The following GFOD1 variants were observed in gnomAD, a reference collection of about 807,000 sequenced individuals.
GFOD1 encodes the protein glucose-fructose oxidoreductase domain-containing protein 1.
GFOD1 carries 9 observed loss-of-function variants against 25.4 expected under a neutral mutation model. That is an observed-to-expected ratio of 0.35 (90% CI 0.21 to 0.62). The LOEUF (loss-of-function observed/expected upper bound fraction) is 0.62, where lower values mean the gene tolerates loss of function less well. Ranked by LOEUF, GFOD1 falls within the 20% of genes least tolerant of loss-of-function variation. GFOD1 has a pLI of 0.72. For synonymous variants in GFOD1, 253 were observed against 245.6 expected (o/e 1.03, Z -0.28); for missense variants, 403 against 556.9 (o/e 0.72, Z 2.78).
At chr6:13,450,458 G>A (rs1255013207) in intron 1 of GFOD1, among the ~76,000 whole-genome samples, 2 of 152,142 alleles carry the variant, frequency 1.3e-5, no homozygotes, top group Non-Finnish European at 2.9e-5. Context: ...TGTTCCTATG[G>A]CTAAGAGTTA....
chr6:13,480,453 C>T (rs913112490), intron 1 of GFOD1, among the ~76,000 whole-genome samples: 5 of 152,200 alleles, frequency 3.3e-5, no homozygotes, highest in African/African-American at 1.2e-4. Flanking sequence ...CTGACTGTTC[C>T]AGCATCCACA....
chr6:13,469,229 A>G, intron 1 of GFOD1: 2 of 985,016 alleles, frequency 2.0e-6, no homozygotes, highest in Non-Finnish European at 2.4e-6. Flanking sequence ...CTCAGCCTGG[A>G]GCACACCAGA....
intron 1 of GFOD1, among the ~76,000 whole-genome samples, chr6:13,390,099 C>G (rs925771665): frequency 6.6e-6 from 1 of 152,164 alleles, no homozygotes; most frequent in African/African-American, 2.4e-5. Flanking sequence ...GGACCCCAAG[C>G]CTTGTGTATC....
chr6:13,440,534 G>A (rs1693568535), intron 1 of GFOD1, among the ~76,000 whole-genome samples: 1 of 152,160 alleles, frequency 6.6e-6, no homozygotes, highest in Non-Finnish European at 1.5e-5. Flanking sequence ...CTCCTGGACT[G>A]TAATCAGTCC....
chr6:13,458,367 T>C (rs1489486735), intron 1 of GFOD1, among the ~76,000 whole-genome samples: 1 of 152,118 alleles, frequency 6.6e-6, no homozygotes, highest in African/African-American at 2.4e-5. Context: ...CCGCCCCCGC[T>C]TGGCCTCCCA....
At chr6:13,467,110 C>CAAAAAA (rs879411159) in intron 1 of GFOD1, among the ~76,000 whole-genome samples, 1 of 138,362 alleles carries the variant, frequency 7.2e-6, no homozygotes, top group Admixed American at 7.3e-5. Context: ...TAACTGATTT[C>CAAAAAA]AAAAAAAAAA....
rs1189828993 is a variant in GFOD1, at chr6:13,364,489, A to G, written c.*254T>C. The G allele has an allele frequency of 3.8e-6, 2 of 521,060 alleles. No homozygotes were observed. The highest frequency in any genetic ancestry group is 2.8e-5 in the South Asian group (1 of 36,326). The allele number at this position is 521,060 out of a possible 1,614,324, so 32.3% of individuals were successfully genotyped here. On this transcript the variant is annotated 3_prime_UTR_variant, in exon 2 of 2. Coordinates refer to ENST00000379287, the MANE Select transcript of GFOD1 (RefSeq NM_018988.4). The surrounding 1 kb of genome is among the most constrained non-coding windows in gnomAD (Gnocchi z 4.1). The stretch of plus-strand genomic sequence containing the variant: ...AGCTAAACCAAACCACTCTCGTGCA[A>G]ATACCCAGCAGGGATCATCCCAGGA...
intron 1 of GFOD1, among the ~76,000 whole-genome samples, chr6:13,406,366 C>G (rs2119484): frequency 0.57 from 86,717 of 152,088 alleles, 28,673 homozygotes; most frequent in Non-Finnish European, 0.73. Flanking sequence ...CCCTCCTCCC[C>G]TGGCCCCTGC....
At chr6:13,366,105 AT>A (rs1785042876) in intron 1 of GFOD1, among the ~76,000 whole-genome samples, 1 of 151,964 alleles carries the variant, frequency 6.6e-6, no homozygotes. Context: ...AAAATAAAAA[AT>A]AATGAAAATA....
intron 1 of GFOD1, among the ~76,000 whole-genome samples, chr6:13,485,637 A>G (rs775633045): frequency 6.6e-6 from 1 of 152,198 alleles, no homozygotes; most frequent in Non-Finnish European, 1.5e-5. Flanking sequence ...GCATAGGCTG[A>G]GAGGCTGCTA....
intron 1 of GFOD1, among the ~76,000 whole-genome samples, chr6:13,483,619 T>C (rs895325287): frequency 2.0e-5 from 3 of 152,080 alleles, no homozygotes; most frequent in Admixed American, 2.0e-4. Context: ...CTGACTTCTA[T>C]GGGGAACAGA....
At chr6:13,403,216 C>T (rs532607919) in intron 1 of GFOD1, among the ~76,000 whole-genome samples, 47 of 151,840 alleles carry the variant, frequency 3.1e-4, no homozygotes, top group Admixed American at 7.9e-4. Context: ...ACCTCTACCT[C>T]CTGGGTTCAA....
At chr6:13,464,318 G>T (rs1328707061) in intron 1 of GFOD1, among the ~76,000 whole-genome samples, 1 of 152,224 alleles carries the variant, frequency 6.6e-6, no homozygotes, top group Non-Finnish European at 1.5e-5. Context: ...AGAAGGCAGT[G>T]GGCAGGGAGA....
At chr6:13,482,743 G>A (rs553802870) in intron 1 of GFOD1, among the ~76,000 whole-genome samples, 5 of 152,074 alleles carry the variant, frequency 3.3e-5, no homozygotes, top group African/African-American at 9.6e-5. Context: ...GCGAGGCTCC[G>A]TCTCAAAAAA....
intron 1 of GFOD1, among the ~76,000 whole-genome samples, chr6:13,423,883 G>A (rs970107381): frequency 1.3e-5 from 2 of 152,062 alleles, no homozygotes; most frequent in African/African-American, 2.4e-5. Flanking sequence ...TTGGAGACAC[G>A]GCTTTGCTCT....
chr6:13,426,552 C>T (rs7758003), intron 1 of GFOD1, among the ~76,000 whole-genome samples: 40 of 152,182 alleles, frequency 2.6e-4, no homozygotes, highest in African/African-American at 4.3e-4. Context: ...GTCCCTTAAA[C>T]GCCCGGGAAG....
At chr6:13,377,566 T>C (rs1785279182) in intron 1 of GFOD1, among the ~76,000 whole-genome samples, 1 of 152,240 alleles carries the variant, frequency 6.6e-6, no homozygotes, top group Non-Finnish European at 1.5e-5. Flanking sequence ...TGGAAGCCCT[T>C]GGACTTCCTC....
intron 1 of GFOD1, among the ~76,000 whole-genome samples, chr6:13,412,177 CA>C (rs1786088469): frequency 6.6e-6 from 1 of 152,202 alleles, no homozygotes; most frequent in African/African-American, 2.4e-5. Context: ...TATTGAAGCT[CA>C]AACCCCCAGT....
chr6:13,416,523 G>A (rs1345473397), intron 1 of GFOD1, among the ~76,000 whole-genome samples: 1 of 152,180 alleles, frequency 6.6e-6, no homozygotes, highest in East Asian at 1.9e-4. Context: ...GTGGAGAGGA[G>A]GGGCTTGATG....
Sources: gnomAD v4.1 joint callset for allele counts (sites outside exome capture counted in the v4.1 genomes callset) on GRCh38, gnomAD v4.1.1 for gene constraint, Gnocchi (gnomAD v3.1) non-coding constraint, MANE v1.5 for transcripts, NCBI Gene and HGNC (gene_info 2026-07-23, HGNC 2026-07-21) for gene names.